The following DDX42 variants were observed in gnomAD, a reference collection of about 807,000 sequenced individuals.
The protein encoded by DDX42 is DEAD-box helicase 42.
DDX42 carries 22 observed loss-of-function variants against 101.5 expected under a neutral mutation model. The ratio of observed to expected loss-of-function variants is 0.22; its 90% confidence interval spans 0.15 to 0.31. The LOEUF is 0.31. DDX42 is among the 10% of genes least tolerant of loss of function. The pLI is 1.00. For missense variants in DDX42, 849 were observed against 1,199.9 expected (o/e 0.71, Z 4.32); for synonymous variants, 402 against 401.2 (o/e 1.00, Z -0.02).
At chr17:63,815,108 C>T (rs1026868971) in intron 15 of DDX42, among the ~76,000 whole-genome samples, 3 of 152,200 alleles carry the variant, frequency 2.0e-5, no homozygotes, top group Non-Finnish European at 4.4e-5. Context: ...GGGAGTCTGT[C>T]CCTATAGTCA....
At chr17:63,817,583 C>A (rs1330955808) in intron 17 of DDX42, 111 bp from the exon 18 acceptor site, 5 of 1,052,142 alleles carry the variant, frequency 4.8e-6, no homozygotes, top group East Asian at 2.5e-5. Flanking sequence ...ACTAAACTCA[C>A]AGTGCCAGGA....
Position 63,800,563 on chromosome 17 carries a change from A to G in DDX42, c.567A>G (p.Pro189=). The G allele has an allele frequency of 6.2e-7, 1 of 1,614,076 alleles. No individual in the cohort carries two copies. Among genetic ancestry groups the G allele is most frequent in the Non-Finnish European group, 8.5e-7 (1 of 1,179,966 alleles). ...DNLEYDSDGN[P]IAPTKKIIDP... ...TAGAATATGATAGTGACGGAAATCCAATTGCACCTACCAAAAAAATCATTG... is the reference window on the plus strand; with the variant it reads ...TAGAATATGATAGTGACGGAAATCCGATTGCACCTACCAAAAAAATCATTG... The change falls in exon 6 of 18, where the codon CCA becomes CCG. Residue 189 remains proline, a synonymous_variant. Coordinates refer to ENST00000389924, the MANE Select transcript of DDX42 (RefSeq NM_203499.3).
intron 15 of DDX42, among the ~76,000 whole-genome samples, chr17:63,813,689 C>G (rs1290101753): frequency 6.6e-6 from 1 of 152,190 alleles, no homozygotes; most frequent in Non-Finnish European, 1.5e-5. Flanking sequence ...AAATCTGTCG[C>G]TGTAATTTCT....
intron 1 of DDX42, among the ~76,000 whole-genome samples, chr17:63,779,590 T>A (rs563112481): frequency 1.3e-5 from 2 of 152,166 alleles, no homozygotes; most frequent in East Asian, 3.9e-4. Flanking sequence ...TTTGGTACTA[T>A]CACCACAATC....
At chr17:63,812,272 A>G (rs1261099877) in intron 14 of DDX42, 64 bp downstream of exon 14, 6 of 1,528,796 alleles carry the variant, frequency 3.9e-6, no homozygotes, top group South Asian at 2.6e-5. Flanking sequence ...GTCTTACTAC[A>G]TAAGACCTAT....
At position 63,788,072 on chromosome 17, in the gene DDX42, T is replaced by A. The variant is rs1368670059; in HGVS notation, c.221+802T>A. ...GGCATGCACCACCATGCTGGGCTAA[T>A]TTTTGTATTATTAGTAGAGATGGGG... On this transcript the variant is annotated intron_variant, in intron 2 of 17. Transcript: ENST00000389924. Among the ~76,000 whole-genome samples the A allele has an allele frequency of 1.3e-5, 2 of 151,768 alleles. 1 individual carries two copies. The highest frequency in any genetic ancestry group is 3.9e-4 in the East Asian group (2 of 5,108).
chr17:63,815,565 T>C lies in DDX42; in HGVS notation c.1905T>C (p.Asn635=). 1 of 1,612,636 alleles carries C rather than the reference T, an allele frequency of 6.2e-7. No homozygotes were observed. Among genetic ancestry groups the C allele is most frequent in the Non-Finnish European group, 8.5e-7 (1 of 1,178,862 alleles). Residue 635 remains asparagine (N), a splice_region_variant and synonymous_variant, in exon 16 of 18, where the codon AAT becomes AAC. Coordinates refer to ENST00000389924, the MANE Select transcript of DDX42 (RefSeq NM_203499.3). ...ACCTTGAATTTTGTTCAATGCAGAA[T>C]GCCTGGTTTCGGAAATCTCGATTCA... ...SKELLDLAMQ[N]AWFRKSRFKG...
At chr17:63,812,837 C>G (rs769212898) in intron 14 of DDX42, among the ~76,000 whole-genome samples, 7 of 152,036 alleles carry the variant, frequency 4.6e-5, no homozygotes, top group Admixed American at 3.9e-4. Context: ...CCATCCTGGC[C>G]AACATAGTGA....
chr17:63,816,475 C>T (rs2039978096), intron 16 of DDX42: 1 of 159,352 alleles, frequency 6.3e-6, no homozygotes, highest in African/African-American at 2.4e-5. Context: ...GTTACAGTGA[C>T]AAGTGTTCAA....
intron 2 of DDX42, among the ~76,000 whole-genome samples, chr17:63,788,011 TC>T (rs2039569970): frequency 6.6e-6 from 1 of 150,510 alleles, no homozygotes; most frequent in Non-Finnish European, 1.5e-5. Context: ...TTCAAGTGAT[TC>T]TCCAGCCTCA....
intron 2 of DDX42, among the ~76,000 whole-genome samples, chr17:63,791,611 T>C (rs2039628536): frequency 6.6e-6 from 1 of 152,142 alleles, no homozygotes; most frequent in Admixed American, 6.5e-5. Flanking sequence ...ACGCCTGGCC[T>C]GAACATTTAT....
chr17:63,818,766 ACTTCTT>A lies in DDX42; in HGVS notation c.*369_*374del, dbSNP rs2040012129. On this transcript the variant is annotated 3_prime_UTR_variant, in exon 18 of 18. Coordinates refer to ENST00000389924, the MANE Select transcript of DDX42 (RefSeq NM_203499.3). ...TCACCTTATAAGCATCTATAAATTG[ACTTCTT>A]TTTCTTAGTTGTATGGCCAGGCAGT... 1 of 173,784 alleles carries A rather than the reference ACTTCTT, an allele frequency of 5.8e-6. No individual in the cohort carries two copies. Among genetic ancestry groups the A allele is most frequent in the Non-Finnish European group, 1.3e-5 (1 of 79,996 alleles). 10.8% of individuals were successfully genotyped at this position (173,784 alleles called of 1,614,324 possible). A position where few individuals can be genotyped will look rare whatever the true frequency, so the allele number is the denominator to read the frequency against.
In DDX42 at chr17:63,797,963, C is replaced by T. The variant is rs545787369; in HGVS notation, c.373-75C>T. ...ATACATAGCTAAAGCTATTATGGCA[C>T]TTGTTCCAATCTAAAAATTGTTTCT... On this transcript the variant is annotated intron_variant, in intron 3 of 17. Transcript: ENST00000389924. The T allele has an allele frequency of 6.4e-6, 9 of 1,409,838 alleles. No homozygotes were observed. The Admixed American group carries it at 8.3e-5, about 13-fold the overall frequency. 87.3% of individuals were successfully genotyped at this position (1,409,838 alleles called of 1,614,324 possible).
chr17:63,800,147 T>G (rs2039744786), intron 5 of DDX42: 2 of 257,814 alleles, frequency 7.8e-6, no homozygotes, highest in Non-Finnish European at 1.5e-5. Flanking sequence ...ACTTGGATTG[T>G]TAAAGCCACA....
intron 15 of DDX42, among the ~76,000 whole-genome samples, chr17:63,815,056 C>T (rs894567172): frequency 6.6e-6 from 1 of 152,138 alleles, no homozygotes; most frequent in Non-Finnish European, 1.5e-5. Flanking sequence ...TTACGCTCTG[C>T]GGGTAAATAA....
intron 1 of DDX42, among the ~76,000 whole-genome samples, chr17:63,775,589 C>T (rs1394877497): frequency 6.6e-6 from 1 of 152,110 alleles, no homozygotes; most frequent in African/African-American, 2.4e-5. Context: ...CTACGTTTAT[C>T]TGGGGAAAGG....
chr17:63,799,886 A>G (rs1234664781), intron 5 of DDX42, among the ~76,000 whole-genome samples: 2 of 152,214 alleles, frequency 1.3e-5, no homozygotes, highest in Non-Finnish European at 2.9e-5. Flanking sequence ...TTCTTTTTAA[A>G]TCCAAAATTA....
intron 2 of DDX42, among the ~76,000 whole-genome samples, chr17:63,791,642 TG>T (rs1468261351): frequency 6.6e-6 from 1 of 152,194 alleles, no homozygotes; most frequent in Non-Finnish European, 1.5e-5. Context: ...GGAAGTTTTC[TG>T]TTGGTCCCCA....
chr17:63,774,636 G>A (rs1333042890), intron 1 of DDX42: 1 of 153,408 alleles, frequency 6.5e-6, no homozygotes, highest in Non-Finnish European at 1.5e-5. Context: ...CGGCTTTCCG[G>A]AGGCGGCGCC....
Sources: allele counts gnomAD v4.1 joint callset (sites outside exome capture counted in the v4.1 genomes callset), GRCh38; gene constraint gnomAD v4.1.1; transcripts MANE v1.5; gene names NCBI Gene and HGNC (gene_info 2026-07-23, HGNC 2026-07-21).